The following CACNA1E variants were observed in gnomAD, a reference collection of about 807,000 sequenced individuals.
CACNA1E encodes voltage-dependent R-type calcium channel subunit alpha-1E.
Under a neutral mutation model 259.2 loss-of-function variants are expected in CACNA1E, and 40 were observed. That is an observed-to-expected ratio of 0.15 (90% CI 0.12 to 0.20). The LOEUF (loss-of-function observed/expected upper bound fraction) is 0.20. CACNA1E is among the 10% of genes least tolerant of loss of function. The pLI is 1.00. For missense variants in CACNA1E, 1,874 were observed against 3,040.1 expected, an observed-to-expected ratio of 0.62 and a Z score of 9.02; for synonymous variants, 1,104 against 1,138.5, an observed-to-expected ratio of 0.97 and a Z score of 0.61.
At chr1:181,346,879 T>C (rs1426416009) in intron 1 of CACNA1E, among the ~76,000 whole-genome samples, 1 of 152,044 alleles carries the variant, frequency 6.6e-6, no homozygotes, top group Non-Finnish European at 1.5e-5. Context: ...CATAAGGAAG[T>C]CTCTCTATGG....
chr1:181,402,862 T>C (rs190449715), intron 1 of CACNA1E, among the ~76,000 whole-genome samples: 1 of 152,146 alleles, frequency 6.6e-6, no homozygotes, highest in African/African-American at 2.4e-5. Flanking sequence ...AGACATTAGG[T>C]AAGGAATCAG....
At chr1:181,724,398 A>G in intron 16 of CACNA1E, 72 bp from the exon 17 acceptor site, 2 of 1,200,602 alleles carry the variant, frequency 1.7e-6, no homozygotes, top group Non-Finnish European at 2.4e-6. Context: ...AGGAAAGATT[A>G]TCAGGTGGCC....
chr1:181,760,060 C>T (rs1017517565), intron 32 of CACNA1E, among the ~76,000 whole-genome samples: 1 of 152,116 alleles, frequency 6.6e-6, no homozygotes, highest in African/African-American at 2.4e-5. Context: ...ACAGTCTAGC[C>T]CTGAGCAGGG....
At chr1:181,559,893 G>A (rs553812803) in intron 3 of CACNA1E, among the ~76,000 whole-genome samples, 3 of 152,308 alleles carry the variant, frequency 2.0e-5, no homozygotes, top group African/African-American at 4.8e-5. Flanking sequence ...TGCTGAAGGC[G>A]TGGGATGCAG....
chr1:181,714,036 A>T (rs773226258), intron 8 of CACNA1E, among the ~76,000 whole-genome samples: 2 of 152,192 alleles, frequency 1.3e-5, no homozygotes, highest in Non-Finnish European at 2.9e-5. Context: ...CTAGGTGTTC[A>T]ACAATCAGTT....
intron 2 of CACNA1E, among the ~76,000 whole-genome samples, chr1:181,442,718 A>G (rs1340464952): frequency 3.9e-5 from 6 of 152,140 alleles, no homozygotes; most frequent in Admixed American, 2.0e-4. Context: ...GTGTTCAGAT[A>G]AACTCAAAGG....
intron 6 of CACNA1E, among the ~76,000 whole-genome samples, chr1:181,627,221 T>TA (rs2101921031): frequency 6.6e-6 from 1 of 152,332 alleles, no homozygotes; most frequent in East Asian, 1.9e-4. Context: ...ATTTACCACT[T>TA]ACAATGTTAC....
At chr1:181,770,432 T>G (rs147184912) in intron 35 of CACNA1E, among the ~76,000 whole-genome samples, 1 of 152,146 alleles carries the variant, frequency 6.6e-6, no homozygotes, top group African/African-American at 2.4e-5. Flanking sequence ...GATCTCTGAG[T>G]GTTCCCTCTT....
At chr1:181,710,916 T>G (rs1383922341) in intron 7 of CACNA1E, 38 bp from the exon 8 acceptor site, 1 of 1,422,150 alleles carries the variant, frequency 7.0e-7, no homozygotes, top group Non-Finnish European at 9.9e-7. Flanking sequence ...GTCATGGCCC[T>G]GTCCAAACCC....
intron 1 of CACNA1E, among the ~76,000 whole-genome samples, chr1:181,500,705 T>C (rs1665174412): frequency 6.6e-6 from 1 of 152,228 alleles, no homozygotes; most frequent in African/African-American, 2.4e-5. Context: ...GATGTATTTC[T>C]CAAGTCTTCC....
At chr1:181,729,069 G>C (rs1236103173) in intron 18 of CACNA1E, among the ~76,000 whole-genome samples, 8 of 58,456 alleles carry the variant, frequency 1.4e-4, no homozygotes, top group South Asian at 8.5e-4. Flanking sequence ...GCCCTGCTCA[G>C]GTGTGTGTAC....
chr1:181,750,305 A>G (rs1383419097), intron 25 of CACNA1E, among the ~76,000 whole-genome samples, 171 bp from the exon 26 acceptor site: 1 of 152,252 alleles, frequency 6.6e-6, no homozygotes, highest in African/African-American at 2.4e-5. Flanking sequence ...TCTAAGTGCC[A>G]AGGCTGTGGG....
At chr1:181,624,459 C>A (rs1656009908) in intron 6 of CACNA1E, among the ~76,000 whole-genome samples, 3 of 152,164 alleles carry the variant, frequency 2.0e-5, no homozygotes, top group Admixed American at 2.0e-4. Flanking sequence ...GCTCTTCTAT[C>A]AACTAAGTTT....
chr1:181,495,087 C>T (rs1664635130), intron 1 of CACNA1E, among the ~76,000 whole-genome samples: 1 of 152,156 alleles, frequency 6.6e-6, no homozygotes, highest in African/African-American at 2.4e-5. Context: ...TCTCCAAAGT[C>T]CACTTTAGGT....
At chr1:181,440,959 T>C (rs537267931) in intron 2 of CACNA1E, among the ~76,000 whole-genome samples, 73 of 116,520 alleles carry the variant, frequency 6.3e-4, no homozygotes, top group African/African-American at 2.4e-3. Context: ...CCAGCCTGGG[T>C]GAGAGAGCGA....
At chr1:181,362,804 G>A (rs1375320208) in intron 1 of CACNA1E, among the ~76,000 whole-genome samples, 2 of 152,184 alleles carry the variant, frequency 1.3e-5, no homozygotes, top group African/African-American at 2.4e-5. Flanking sequence ...ATGTGAAAGA[G>A]GAGATGGGAG....
chr1:181,357,248 G>A (rs868464981), intron 1 of CACNA1E, among the ~76,000 whole-genome samples: 2 of 152,184 alleles, frequency 1.3e-5, no homozygotes, highest in African/African-American at 2.4e-5. Flanking sequence ...CCCCTCCAGC[G>A]GAGGTGGCTC....
chr1:181,590,437 T>TATATATATATATATATATATATA (rs1558159851), intron 6 of CACNA1E, among the ~76,000 whole-genome samples: 6 of 143,504 alleles, frequency 4.2e-5, no homozygotes, highest in African/African-American at 1.7e-4. Context: ...ATATATATAT[T>TATATATATATATATATATATATA]GTATTTGACT....
intron 3 of CACNA1E, among the ~76,000 whole-genome samples, chr1:181,560,239 T>G (rs936916093): frequency 1.3e-5 from 2 of 149,388 alleles, no homozygotes; most frequent in Non-Finnish European, 3.0e-5. Flanking sequence ...TTTTTTTAAG[T>G]TTTTTTTTGT....
Sources: allele counts gnomAD v4.1 joint callset (sites outside exome capture counted in the v4.1 genomes callset), GRCh38; gene constraint gnomAD v4.1.1; transcripts MANE v1.5; gene names NCBI Gene and HGNC (gene_info 2026-07-23, HGNC 2026-07-21).